Variants in PSMA1 observed in about 807,000 individuals in gnomAD.
The protein encoded by PSMA1 is proteasome 20S subunit alpha 1.
A neutral mutation model predicts 38.4 loss-of-function variants in PSMA1; 3 were observed. That is an observed-to-expected ratio of 0.08 (90% CI 0.04 to 0.20). PSMA1 has a LOEUF of 0.20. PSMA1 is among the 10% of genes least tolerant of loss of function. The pLI is 1.00. For missense variants in PSMA1, 227 were observed against 325.3 expected, an observed-to-expected ratio of 0.70 and a Z score of 2.32; for synonymous variants, 101 against 107.1, an observed-to-expected ratio of 0.94 and a Z score of 0.35.
chr11:14,619,376 C>T (rs1852813580), intron 1 of PSMA1, among the ~76,000 whole-genome samples: 1 of 151,960 alleles, frequency 6.6e-6, no homozygotes, highest in African/African-American at 2.4e-5. Flanking sequence ...GAGATCGACA[C>T]TTCAGTGAGT....
chr11:14,569,506 C>T (rs1852113379), intron 2 of PSMA1, among the ~76,000 whole-genome samples: 1 of 152,202 alleles, frequency 6.6e-6, no homozygotes, highest in African/African-American at 2.4e-5. Flanking sequence ...GGGGCACTCC[C>T]ACCATAACAC....
chr11:14,537,138 T>C (rs556781320), intron 2 of PSMA1, among the ~76,000 whole-genome samples: 8 of 152,244 alleles, frequency 5.3e-5, no homozygotes, highest in Non-Finnish European at 8.8e-5. Context: ...TCCTAAGATA[T>C]TGTTTACAAT....
intron 2 of PSMA1, among the ~76,000 whole-genome samples, chr11:14,525,854 C>T (rs1001264549): frequency 5.9e-5 from 9 of 152,142 alleles, no homozygotes; most frequent in African/African-American, 1.9e-4. Flanking sequence ...ATTACTTCAG[C>T]CAAGCTCTTT....
intron 2 of PSMA1, among the ~76,000 whole-genome samples, chr11:14,596,998 A>G (rs1335103801): frequency 2.0e-5 from 3 of 152,194 alleles, no homozygotes; most frequent in African/African-American, 7.2e-5. Flanking sequence ...ATCTATTGAG[A>G]TAATCACGTG....
intron 2 of PSMA1, among the ~76,000 whole-genome samples, chr11:14,540,169 T>C (rs1851757561): frequency 6.6e-6 from 1 of 152,174 alleles, no homozygotes; most frequent in African/African-American, 2.4e-5. Context: ...TGTTTTCAGC[T>C]TCCCTACTTG....
At chr11:14,520,404 A>T, upstream of PSMA1, 2 of 1,613,252 alleles carry the variant, frequency 1.2e-6, no homozygotes, top group Non-Finnish European at 8.5e-7. Context: ...CGGGAGTTTG[A>T]CGGCGGCGGC....
chr11:14,637,091 A>G (rs1239383575), intron 1 of PSMA1, among the ~76,000 whole-genome samples: 3 of 152,180 alleles, frequency 2.0e-5, no homozygotes, highest in African/African-American at 7.2e-5. Flanking sequence ...AATAAAGTCC[A>G]GGTTTCTCAG....
At chr11:14,638,560 T>C (rs1853148418) in intron 1 of PSMA1, among the ~76,000 whole-genome samples, 2 of 12,678 alleles carry the variant, frequency 1.6e-4, no homozygotes, top group East Asian at 4.2e-3. Context: ...TATATATATA[T>C]ATATATATAT....
exon 2 of PSMA1, chr11:14,611,079 A>T: frequency 7.6e-7 from 1 of 1,321,710 alleles, no homozygotes; most frequent in Non-Finnish European, 1.1e-6. Flanking sequence ...TGGAGGGCCA[A>T]GGCCTTTACC....
At chr11:14,583,250 C>T (rs1186777361) in intron 2 of PSMA1, among the ~76,000 whole-genome samples, 1 of 152,118 alleles carries the variant, frequency 6.6e-6, no homozygotes, top group Non-Finnish European at 1.5e-5. Flanking sequence ...CCTCTTCTTC[C>T]CTGATTGTTT....
chr11:14,556,309 T>C (rs1256290880), intron 2 of PSMA1, among the ~76,000 whole-genome samples: 4 of 152,114 alleles, frequency 2.6e-5, no homozygotes, highest in Non-Finnish European at 5.9e-5. Flanking sequence ...GTTGGAAAAA[T>C]TTTCTCTCAG....
At chr11:14,564,942 T>A (rs1210241353) in intron 2 of PSMA1, among the ~76,000 whole-genome samples, 1 of 152,062 alleles carries the variant, frequency 6.6e-6, no homozygotes, top group Non-Finnish European at 1.5e-5. Context: ...CACGCTTGGC[T>A]AATTAAAAAA....
chr11:14,563,823 A>C (rs1241435723), intron 2 of PSMA1, among the ~76,000 whole-genome samples: 1 of 152,140 alleles, frequency 6.6e-6, no homozygotes, highest in African/African-American at 2.4e-5. Flanking sequence ...TGCATACTTA[A>C]TATATTTCCT....
intron 2 of PSMA1, among the ~76,000 whole-genome samples, chr11:14,568,032 T>C (rs1188948498): frequency 6.6e-6 from 1 of 152,234 alleles, no homozygotes; most frequent in Non-Finnish European, 1.5e-5. Context: ...TATTGATTGG[T>C]TGATGAAAAT....
At chr11:14,637,434 C>G (rs535490906) in intron 1 of PSMA1, among the ~76,000 whole-genome samples, 14 of 152,130 alleles carry the variant, frequency 9.2e-5, no homozygotes, top group Non-Finnish European at 2.9e-5. Context: ...TCTCCTTTAC[C>G]AAACTGAGGA....
intron 2 of PSMA1, among the ~76,000 whole-genome samples, chr11:14,584,926 G>A (rs1306280941): frequency 7.9e-5 from 12 of 152,138 alleles, no homozygotes; most frequent in African/African-American, 2.7e-4. Flanking sequence ...ATGGTTAAAG[G>A]GACTGGAATC....
At chr11:14,529,201 AAAT>A (rs902670509) in intron 2 of PSMA1, among the ~76,000 whole-genome samples, 13 of 152,170 alleles carry the variant, frequency 8.5e-5, no homozygotes, top group African/African-American at 3.1e-4. Context: ...AGTAAATTCT[AAAT>A]AAGAGCCAAG....
Position 14,505,114 on chromosome 11 carries a change from A to C in PSMA1, c.*78T>G. On this transcript the variant is annotated 3_prime_UTR_variant, in exon 10 of 10. Coordinates refer to ENST00000396394, the MANE Select transcript of PSMA1 (RefSeq NM_002786.4). Reference sequence around the variant, plus strand: ...CACCACTCTGCAACTTTTGGTTCAAAGTATAGATTATTGTCATCAGTATGT... The same window carrying C: ...CACCACTCTGCAACTTTTGGTTCAACGTATAGATTATTGTCATCAGTATGT... 1 of 1,347,342 alleles carries C rather than the reference A, an allele frequency of 7.4e-7. No individual in the cohort carries two copies. Among genetic ancestry groups the C allele is most frequent in the Non-Finnish European group, 1.1e-6 (1 of 940,092 alleles). 83.5% of individuals were successfully genotyped at this position (1,347,342 alleles called of 1,614,324 possible).
chr11:14,515,890 T>C (rs1163870769), intron 4 of PSMA1, among the ~76,000 whole-genome samples: 10 of 151,786 alleles, frequency 6.6e-5, no homozygotes, highest in Non-Finnish European at 1.5e-4. Context: ...ATTTACACTG[T>C]TTTTGCTGCT....
Sources: gnomAD v4.1 joint callset for allele counts (sites outside exome capture counted in the v4.1 genomes callset) on GRCh38, gnomAD v4.1.1 for gene constraint, MANE v1.5 for transcripts, NCBI Gene and HGNC (gene_info 2026-07-23, HGNC 2026-07-21) for gene names.